Variants in LITAFD observed in about 807,000 individuals in gnomAD.
LITAFD encodes lITAF domain-containing protein.
chr16:8,884,266 C>T, intron 2 of LITAFD, 57 bp from the exon 3 acceptor site: 1 of 398,266 alleles, frequency 2.5e-6, no homozygotes, highest in Non-Finnish European at 4.4e-6. Context: ...AATTGAGAAG[C>T]CACAGGGGTC....
At chr16:8,885,294 G>A (rs2061561221) in exon 4 of LITAFD, 2 of 398,984 alleles carry the variant, frequency 5.0e-6, no homozygotes, top group East Asian at 7.1e-5. Context: ...CACCGCCTGT[G>A]AGCCCCCAAG....
chr16:8,884,623 G>A (rs1017087313), intron 3 of LITAFD, among the ~76,000 whole-genome samples, 158 bp downstream of exon 3: 4 of 152,154 alleles, frequency 2.6e-5, no homozygotes, highest in Non-Finnish European at 4.4e-5. Flanking sequence ...GAGAGGAGGC[G>A]GCAGCCCTCT....
At position 8,883,226 on chromosome 16, in the gene LITAFD, T is replaced by TCC. The variant is rs2061549750; in HGVS notation, c.-90_-89dup. On this transcript the variant is annotated 5_prime_UTR_variant, in exon 2 of 4. An upstream open reading frame in the 5' UTR gains an earlier in-frame stop. Coordinates refer to ENST00000636296, the Ensembl canonical transcript of LITAFD. The stretch of plus-strand genomic sequence containing the variant: ...CTCCTAAAGATCCTTATCCTGCTGG[T>TCC]CCCCCTCCTCCCTATGGTCCTCCTC... 6.6e-6 allele frequency: 1 copy of TCC among 152,258 alleles called. No homozygotes were observed. The highest frequency in any genetic ancestry group is 1.5e-5 in the Non-Finnish European group (1 of 68,120). The allele number at this position is 152,258 out of a possible 1,614,324, so 9.4% of individuals were successfully genotyped here. A position where few individuals can be genotyped will look rare whatever the true frequency, so the allele number is the denominator to read the frequency against.
intron 3 of LITAFD, among the ~76,000 whole-genome samples, chr16:8,884,784 G>A (rs945287156): frequency 2.0e-5 from 3 of 152,124 alleles, no homozygotes; most frequent in African/African-American, 4.8e-5. Flanking sequence ...CAGCTGTGGA[G>A]TTTTGAAACA....
chr16:8,882,479 C>G (rs2061545700), exon 1 of LITAFD: 1 of 152,442 alleles, frequency 6.6e-6, no homozygotes, highest in Non-Finnish European at 1.5e-5. Context: ...GGACAGAGGC[C>G]CTCCAGAGCA....
intron 3 of LITAFD, 45 bp downstream of exon 3, chr16:8,884,510 A>C: frequency 4.8e-5 from 7 of 147,158 alleles, no homozygotes; most frequent in East Asian, 4.3e-4. Context: ...GAGCATTGGT[A>C]GGGGTGGGTC....
intron 2 of LITAFD, among the ~76,000 whole-genome samples, chr16:8,883,776 C>T (rs2061552483): frequency 2.0e-5 from 3 of 152,140 alleles, no homozygotes; most frequent in African/African-American, 7.2e-5. Context: ...TTGAAAAGCA[C>T]CCTTTAGGTC....
intron 2 of LITAFD, among the ~76,000 whole-genome samples, chr16:8,883,922 G>A (rs1312860403): frequency 5.3e-5 from 8 of 152,088 alleles, no homozygotes; most frequent in African/African-American, 9.7e-5. Flanking sequence ...AAAATAAGCC[G>A]GGTGTGATGG....
intron 2 of LITAFD, among the ~76,000 whole-genome samples, chr16:8,883,698 C>T (rs2061552236): frequency 6.6e-6 from 1 of 152,214 alleles, no homozygotes. Context: ...AATTCTCAGG[C>T]AGTCTCCAGA....
At chr16:8,884,182 C>A in intron 2 of LITAFD, 141 bp from the exon 3 acceptor site, 2 of 396,286 alleles carry the variant, frequency 5.0e-6, no homozygotes, top group Non-Finnish European at 8.9e-6. Flanking sequence ...CCACACCACA[C>A]CCCCACATAT....
chr16:8,883,868 C>G (rs13332111), intron 2 of LITAFD, among the ~76,000 whole-genome samples: 2,660 of 152,232 alleles, frequency 0.017, 74 homozygotes, highest in African/African-American at 0.061. Flanking sequence ...AGTTCAAGAC[C>G]AGCTTGGCCA....
chr16:8,885,063 ACT>A (rs1472152746), intron 3 of LITAFD, 122 bp from the exon 4 acceptor site: 2 of 398,774 alleles, frequency 5.0e-6, no homozygotes, highest in African/African-American at 4.1e-5. Flanking sequence ...ACAGAGTGAG[ACT>A]CTGTCTCAAA....
intron 2 of LITAFD, among the ~76,000 whole-genome samples, 166 bp from the exon 3 acceptor site, chr16:8,884,157 A>T (rs1260164090): frequency 2.0e-5 from 3 of 151,922 alleles, no homozygotes; most frequent in Non-Finnish European, 4.4e-5. Context: ...TTTCCTCCAA[A>T]CCGGGGTGGG....
At chr16:8,882,906 G>C (rs1396253837) in intron 1 of LITAFD, 1 of 152,268 alleles carries the variant, frequency 6.6e-6, no homozygotes, top group Non-Finnish European at 1.5e-5. Flanking sequence ...AATTGGGAAA[G>C]TTACCGAATC....
intron 3 of LITAFD, chr16:8,884,975 A>G (rs936094107): frequency 2.5e-6 from 1 of 397,936 alleles, no homozygotes; most frequent in Non-Finnish European, 4.4e-6. Context: ...CTGTAATCCC[A>G]GCTACTCAGG....
intron 1 of LITAFD, 127 bp from the exon 2 acceptor site, chr16:8,883,083 C>G (rs374256271): frequency 6.6e-6 from 1 of 152,264 alleles, no homozygotes; most frequent in Non-Finnish European, 1.5e-5. Flanking sequence ...TGCTCTGCTG[C>G]CTTGGCCTCC....
chr16:8,883,848 T>A (rs1208719717), intron 2 of LITAFD, among the ~76,000 whole-genome samples: 1 of 152,166 alleles, frequency 6.6e-6, no homozygotes, highest in Non-Finnish European at 1.5e-5. Context: ...GTGGATCGCA[T>A]GAGGTCAGGA....
At chr16:8,884,810 C>T (rs1413175436) in intron 3 of LITAFD, among the ~76,000 whole-genome samples, 3 of 152,126 alleles carry the variant, frequency 2.0e-5, no homozygotes, top group African/African-American at 7.2e-5. Context: ...AGGGGCCAGG[C>T]GCGGTGACTC....
chr16:8,884,187 A>G (rs1214059783), intron 2 of LITAFD, 136 bp from the exon 3 acceptor site: 2 of 396,452 alleles, frequency 5.0e-6, no homozygotes, highest in African/African-American at 4.1e-5. Flanking sequence ...CCACACCCCC[A>G]CATATCAGGT....
Sources: allele counts gnomAD v4.1 joint callset (sites outside exome capture counted in the v4.1 genomes callset), GRCh38; gene constraint gnomAD v4.1.1; transcripts MANE v1.5; gene names NCBI Gene and HGNC (gene_info 2026-07-23, HGNC 2026-07-21).